The following EFNA5 variants were observed in gnomAD, a reference collection of about 807,000 sequenced individuals.
EFNA5 encodes ephrin-A5.
A neutral mutation model predicts 22.9 loss-of-function variants in EFNA5; 5 were observed. The ratio of observed to expected loss-of-function variants is 0.22; its 90% confidence interval spans 0.11 to 0.46. The LOEUF is 0.46. Ranked by LOEUF, EFNA5 falls within the 20% of genes least tolerant of loss-of-function variation. The pLI is 0.99. For missense variants in EFNA5, 237 were observed against 293.3 expected, an observed-to-expected ratio of 0.81 and a Z score of 1.40; for synonymous variants, 113 against 112.2, an observed-to-expected ratio of 1.01 and a Z score of -0.04.
intron 1 of EFNA5, among the ~76,000 whole-genome samples, chr5:107,626,447 T>TA (rs1218811288): frequency 2.0e-5 from 3 of 151,930 alleles, no homozygotes; most frequent in South Asian, 2.1e-4. Flanking sequence ...CTAATTAATT[T>TA]AAAAAAAATT....
intron 2 of EFNA5, among the ~76,000 whole-genome samples, chr5:107,395,426 G>A (rs909571357): frequency 1.3e-5 from 2 of 152,168 alleles, no homozygotes; most frequent in African/African-American, 2.4e-5. Context: ...TCAGTCATGT[G>A]AGTGGGGAAA....
intron 1 of EFNA5, among the ~76,000 whole-genome samples, chr5:107,591,926 AATATATAAT>A (rs1561442966): frequency 3.8e-4 from 3 of 7,946 alleles, no homozygotes; most frequent in Admixed American, 4.1e-3. Flanking sequence ...ATATATATAT[AATATATAAT>A]ATATATATTA....
intron 1 of EFNA5, among the ~76,000 whole-genome samples, chr5:107,591,926 A>ATATAAT (rs1397383347): frequency 5.0e-4 from 4 of 7,928 alleles, no homozygotes; most frequent in Non-Finnish European, 7.4e-4. Flanking sequence ...ATATATATAT[A>ATATAAT]ATATATAATA....
intron 1 of EFNA5, 63 bp from the exon 2 acceptor site, chr5:107,427,572 G>T: frequency 6.9e-7 from 1 of 1,439,040 alleles, no homozygotes. Flanking sequence ...CTTGGAATCA[G>T]TGGTTAAGCC....
rs183933624 is a variant in EFNA5 at position 107,572,762 on chromosome 5, T to C, written c.125+97727A>G. ...ATGTCTTCACACGGACATTTTCATG[T>C]TTCTTCCCAAGCTTTTGCCTTCCTT... On this transcript the variant is annotated intron_variant, in intron 1 of 4. Transcript: ENST00000333274. 1.7e-3 allele frequency among the ~76,000 whole-genome samples: 255 copies of C among 152,334 alleles called. 1 individual carries two copies. Among genetic ancestry groups the C allele is most frequent in the African/African-American group, 3.6e-3 (148 of 41,576 alleles).
intron 1 of EFNA5, among the ~76,000 whole-genome samples, chr5:107,604,360 A>C (rs567705681): frequency 2.0e-5 from 3 of 151,946 alleles, no homozygotes; most frequent in African/African-American, 7.2e-5. Context: ...TTTTTTAACC[A>C]AACCAATTTC....
intron 1 of EFNA5, among the ~76,000 whole-genome samples, chr5:107,473,621 C>T (rs921859359): frequency 4.6e-5 from 7 of 151,768 alleles, no homozygotes; most frequent in African/African-American, 1.4e-4. Flanking sequence ...TGTTATGATC[C>T]GATATTCTAA....
intron 2 of EFNA5, among the ~76,000 whole-genome samples, chr5:107,424,493 G>C (rs770833365): frequency 6.6e-6 from 1 of 151,588 alleles, no homozygotes; most frequent in Non-Finnish European, 1.5e-5. Context: ...TAGGATTACA[G>C]ATGTGAGCCA....
At chr5:107,629,918 T>C (rs1229225163) in intron 1 of EFNA5, among the ~76,000 whole-genome samples, 1 of 152,046 alleles carries the variant, frequency 6.6e-6, no homozygotes, top group Admixed American at 6.6e-5. Context: ...TAGCCGGGCA[T>C]GGAGGCACAC....
At chr5:107,599,796 G>A (rs924170567) in intron 1 of EFNA5, among the ~76,000 whole-genome samples, 2 of 152,284 alleles carry the variant, frequency 1.3e-5, no homozygotes, top group Admixed American at 1.3e-4. Flanking sequence ...CTACTGTAGT[G>A]CCATTGCTAG....
At chr5:107,610,933 C>T (rs1242531707) in intron 1 of EFNA5, among the ~76,000 whole-genome samples, 1 of 152,120 alleles carries the variant, frequency 6.6e-6, no homozygotes, top group Non-Finnish European at 1.5e-5. Flanking sequence ...CAGTGTTATT[C>T]CCGCTGAGCC....
At chr5:107,597,935 A>G (rs1262703904) in intron 1 of EFNA5, among the ~76,000 whole-genome samples, 1 of 152,162 alleles carries the variant, frequency 6.6e-6, no homozygotes, top group Non-Finnish European at 1.5e-5. Context: ...GGAGAGACCT[A>G]ATAATTATCT....
intron 1 of EFNA5, among the ~76,000 whole-genome samples, chr5:107,532,741 C>T (rs1476833207): frequency 6.6e-6 from 1 of 152,294 alleles, no homozygotes; most frequent in African/African-American, 2.4e-5. Context: ...AAAAGCGATT[C>T]GTCAAGCATC....
intron 1 of EFNA5, among the ~76,000 whole-genome samples, chr5:107,548,103 T>C (rs530084448): frequency 6.6e-6 from 1 of 152,338 alleles, no homozygotes; most frequent in Admixed American, 6.5e-5. Flanking sequence ...GAACCTTCAT[T>C]TTCCAATGAC....
intron 1 of EFNA5, among the ~76,000 whole-genome samples, chr5:107,661,393 G>A (rs749407399): frequency 6.6e-6 from 1 of 152,198 alleles, no homozygotes; most frequent in Non-Finnish European, 1.5e-5. Context: ...TGATACTTTG[G>A]AGGTCTGCAA....
At chr5:107,495,376 A>T (rs1370760655) in intron 1 of EFNA5, among the ~76,000 whole-genome samples, 1 of 152,120 alleles carries the variant, frequency 6.6e-6, no homozygotes, top group Non-Finnish European at 1.5e-5. Flanking sequence ...ATCCAACAGA[A>T]GGAAGAAACT....
intron 1 of EFNA5, among the ~76,000 whole-genome samples, chr5:107,499,463 C>T (rs1224128595): frequency 6.6e-6 from 1 of 152,220 alleles, no homozygotes; most frequent in East Asian, 1.9e-4. Flanking sequence ...CCTACATGCA[C>T]ATACTACCAA....
At chr5:107,631,256 AACACACACACAC>A (rs10616989) in intron 1 of EFNA5, among the ~76,000 whole-genome samples, 9 of 145,668 alleles carry the variant, frequency 6.2e-5, no homozygotes, top group African/African-American at 2.6e-5. Flanking sequence ...CCTGACTACA[AACACACACACAC>A]ACACACACAC....
intron 1 of EFNA5, among the ~76,000 whole-genome samples, chr5:107,536,293 T>C (rs1747927447): frequency 6.6e-6 from 1 of 152,212 alleles, no homozygotes; most frequent in Non-Finnish European, 1.5e-5. Flanking sequence ...AGGCCGACCC[T>C]CTACACAGAG....
Sources: gnomAD v4.1 joint callset for allele counts (sites outside exome capture counted in the v4.1 genomes callset) on GRCh38, gnomAD v4.1.1 for gene constraint, MANE v1.5 for transcripts, NCBI Gene and HGNC (gene_info 2026-07-23, HGNC 2026-07-21) for gene names.